The following FILIP1 variants were observed in gnomAD, a reference collection of about 807,000 sequenced individuals.
FILIP1 encodes the protein filamin A interacting protein 1.
A neutral mutation model predicts 102.1 loss-of-function variants in FILIP1; 61 were observed. The ratio of observed to expected loss-of-function variants is 0.60; its 90% CI spans 0.49 to 0.74. FILIP1 has a LOEUF of 0.74. Ranked by LOEUF, FILIP1 falls within the 30% of genes least tolerant of loss-of-function variation. FILIP1 has a pLI of 0.00. For missense variants in FILIP1, 1,314 were observed against 1,441.2 expected (o/e 0.91, Z 1.43); for synonymous variants, 491 against 526.9 (o/e 0.93, Z 0.93).
intron 2 of FILIP1, among the ~76,000 whole-genome samples, chr6:75,404,775 A>G (rs1352224453): frequency 6.6e-6 from 1 of 152,168 alleles, no homozygotes; most frequent in East Asian, 1.9e-4. Context: ...TCCATCACAG[A>G]GGAAGGGTCT....
rs572462215 is a variant in FILIP1 at position 75,491,192 on chromosome 6, C to T, written c.-7+2222G>A. On this transcript the variant is annotated intron_variant, in intron 1 of 5. Transcript: ENST00000237172. ...TCTTAAAGAGTAGGCAAAGTTTCTACAGGACCAGAGAGTAAATGTCTTCCA... is the reference window on the plus strand; with the variant it reads ...TCTTAAAGAGTAGGCAAAGTTTCTATAGGACCAGAGAGTAAATGTCTTCCA... Among the ~76,000 whole-genome samples the T allele has an allele frequency of 2.0e-5, 3 of 152,226 alleles. No homozygotes were observed. The East Asian group carries it at 5.8e-4, about 29-fold the overall frequency.
At chr6:75,455,580 A>G (rs1440938091) in intron 1 of FILIP1, among the ~76,000 whole-genome samples, 1 of 152,146 alleles carries the variant, frequency 6.6e-6, no homozygotes, top group Non-Finnish European at 1.5e-5. Context: ...GGTGATTGCT[A>G]TTACTATTCT....
At chr6:75,335,492 T>TCCTC (rs1227625851) in intron 4 of FILIP1, among the ~76,000 whole-genome samples, 20 of 81,260 alleles carry the variant, frequency 2.5e-4, no homozygotes, top group Non-Finnish European at 1.4e-4. Flanking sequence ...CATTGTTTCT[T>TCCTC]CCTCCCTTCC....
chr6:75,332,078 G>A (rs1228700147), intron 4 of FILIP1, among the ~76,000 whole-genome samples: 2 of 152,050 alleles, frequency 1.3e-5, no homozygotes, highest in African/African-American at 4.8e-5. Flanking sequence ...CTCCAGAACT[G>A]TGAGAAAAAA....
At chr6:75,458,531 A>G (rs1260982072) in intron 1 of FILIP1, among the ~76,000 whole-genome samples, 1 of 152,222 alleles carries the variant, frequency 6.6e-6, no homozygotes, top group African/African-American at 2.4e-5. Context: ...AATGTTGCCT[A>G]CTAAAGCAGA....
intron 4 of FILIP1, among the ~76,000 whole-genome samples, chr6:75,345,836 C>T (rs1289809854): frequency 6.6e-6 from 1 of 152,126 alleles, no homozygotes. Flanking sequence ...GTCCTTAAAC[C>T]TCTTGGCACA....
chr6:75,472,388 A>G (rs1328863198), intron 1 of FILIP1, among the ~76,000 whole-genome samples: 1 of 152,158 alleles, frequency 6.6e-6, no homozygotes, highest in Non-Finnish European at 1.5e-5. Flanking sequence ...TGTTAATTTA[A>G]TAGAACAGTC....
At chr6:75,321,513 G>A (rs920434552) in intron 4 of FILIP1, among the ~76,000 whole-genome samples, 1 of 152,292 alleles carries the variant, frequency 6.6e-6, no homozygotes, top group Non-Finnish European at 1.5e-5. Context: ...GAATGTGATC[G>A]GCCGGGCGCG....
chr6:75,306,419 G>C (rs760421301), downstream of FILIP1, among the ~76,000 whole-genome samples: 1 of 152,184 alleles, frequency 6.6e-6, no homozygotes, highest in African/African-American at 2.4e-5. Flanking sequence ...AAGAATGGCA[G>C]GTGGAGTCAA....
Position 75,314,156 on chromosome 6 carries a change from G to A in FILIP1, c.1676C>T (p.Ser559Phe), listed in dbSNP as rs1315261552. 1 of 1,531,278 alleles carries A rather than the reference G, an allele frequency of 6.5e-7. No individual in the cohort carries two copies. Among genetic ancestry groups the A allele is most frequent in the Non-Finnish European group, 8.7e-7 (1 of 1,150,652 alleles). 94.9% of individuals were successfully genotyped at this position (1,531,278 alleles called of 1,614,324 possible). The change falls in exon 5 of 6, where the codon TCT (serine) becomes TTT (phenylalanine). Residue 559 changes from serine (S) to phenylalanine (F), a missense_variant. Transcript: ENST00000237172. Reference protein sequence around the residue: ...EESKKLLKLKSEMEEKVYNLT... With the variant: ...EESKKLLKLKFEMEEKVYNLT... ...GTTGTATACTTTTTCCTCCATTTCA[G>A]ATTTTAGTTTTAAAAGTTTCTTACT...
At chr6:75,455,119 G>C (rs1778782496) in intron 1 of FILIP1, 1 of 152,426 alleles carries the variant, frequency 6.6e-6, no homozygotes, top group South Asian at 2.1e-4. Flanking sequence ...AGAGATTGGG[G>C]GGGTGGGGGG....
At chr6:75,442,104 A>G (rs1271181154) in intron 1 of FILIP1, among the ~76,000 whole-genome samples, 1 of 150,068 alleles carries the variant, frequency 6.7e-6, no homozygotes, top group East Asian at 2.0e-4. Context: ...GACGCTCCTC[A>G]CCTCCCAGAT....
At chr6:75,364,256 A>T (rs147775001) in intron 2 of FILIP1, among the ~76,000 whole-genome samples, 4 of 152,350 alleles carry the variant, frequency 2.6e-5, no homozygotes, top group Admixed American at 6.5e-5. Flanking sequence ...AGTTTAATGG[A>T]AAGGCAATGT....
At chr6:75,491,372 T>A (rs2149789801) in intron 1 of FILIP1, among the ~76,000 whole-genome samples, 1 of 152,256 alleles carries the variant, frequency 6.6e-6, no homozygotes, top group East Asian at 1.9e-4. Context: ...AGGTGCCAGA[T>A]GATGGAAGGT....
At chr6:75,402,196 A>G (rs1405872096) in intron 2 of FILIP1, among the ~76,000 whole-genome samples, 1 of 152,300 alleles carries the variant, frequency 6.6e-6, no homozygotes, top group East Asian at 1.9e-4. Context: ...TTCTGATTCT[A>G]TTAGGAGTCC....
intron 1 of FILIP1, among the ~76,000 whole-genome samples, chr6:75,426,169 TG>T (rs954923562): frequency 6.6e-6 from 1 of 152,098 alleles, no homozygotes; most frequent in African/African-American, 2.4e-5. Context: ...GTATTTAAAC[TG>T]GGAGAAATAT....
chr6:75,440,102 T>A (rs901246952), intron 1 of FILIP1, among the ~76,000 whole-genome samples: 1 of 152,176 alleles, frequency 6.6e-6, no homozygotes, highest in Non-Finnish European at 1.5e-5. Flanking sequence ...GCAGATGACA[T>A]AAATAAGATA....
chr6:75,461,463 T>A (rs982732844), intron 1 of FILIP1, among the ~76,000 whole-genome samples: 1 of 152,188 alleles, frequency 6.6e-6, no homozygotes, highest in Non-Finnish European at 1.5e-5. Context: ...GTCATATGGA[T>A]TTTTTTCAGT....
chr6:75,435,605 C>A (rs552715794), intron 1 of FILIP1, among the ~76,000 whole-genome samples: 1 of 152,306 alleles, frequency 6.6e-6, no homozygotes, highest in African/African-American at 2.4e-5. Flanking sequence ...AGAGACTTTC[C>A]TCAAAGACCC....
Sources: allele counts gnomAD v4.1 joint callset (sites outside exome capture counted in the v4.1 genomes callset), GRCh38; gene constraint gnomAD v4.1.1; transcripts MANE v1.5; gene names NCBI Gene and HGNC (gene_info 2026-07-23, HGNC 2026-07-21).